ABLIM1: variants seen among roughly 807,000 people sequenced by gnomAD.
ABLIM1 encodes actin binding LIM protein 1.
Under a neutral mutation model 107.0 loss-of-function variants are expected in ABLIM1, and 40 were observed. The ratio of observed to expected loss-of-function variants is 0.37; its 90% confidence interval spans 0.29 to 0.49. ABLIM1 has a LOEUF of 0.49. Among genes scored for constraint, ABLIM1 ranks in the 20% least tolerant of loss-of-function variants. The pLI is 0.97. For missense variants in ABLIM1, 857 were observed against 1,008.5 expected (o/e 0.85, Z 2.04); for synonymous variants, 357 against 357.3 (o/e 1.00, Z 0.01).
chr10:114,734,641 G>A (rs2082143254), intron 1 of ABLIM1, among the ~76,000 whole-genome samples: 1 of 151,202 alleles, frequency 6.6e-6, no homozygotes, highest in Non-Finnish European at 1.5e-5. Context: ...CCAGACCACT[G>A]GGCACATAAT....
chr10:114,555,816 T>C (rs2068656212), intron 4 of ABLIM1, among the ~76,000 whole-genome samples: 1 of 151,948 alleles, frequency 6.6e-6, no homozygotes, highest in South Asian at 2.1e-4. Flanking sequence ...TTCAAGAAAA[T>C]TCAAGCTTTC....
chr10:114,451,862 G>A (rs1414550889), intron 13 of ABLIM1, among the ~76,000 whole-genome samples, 191 bp from the exon 14 acceptor site: 1 of 152,202 alleles, frequency 6.6e-6, no homozygotes, highest in African/African-American at 2.4e-5. Context: ...ATAGACAAGT[G>A]TTATGGAAGC....
chr10:114,624,688 C>A (rs61867917), intron 1 of ABLIM1, among the ~76,000 whole-genome samples: 1 of 151,966 alleles, frequency 6.6e-6, no homozygotes, highest in South Asian at 2.1e-4. Context: ...TTATTTATAT[C>A]GTAGAAATGA....
intron 2 of ABLIM1, among the ~76,000 whole-genome samples, chr10:114,597,622 G>T (rs536996529): frequency 2.2e-4 from 33 of 152,244 alleles, no homozygotes; most frequent in Admixed American, 1.8e-3. Context: ...TAAATGAAAA[G>T]AAAAGAAAAG....
chr10:114,677,539 G>A (rs533223690), intron 1 of ABLIM1, among the ~76,000 whole-genome samples: 15 of 152,286 alleles, frequency 9.8e-5, no homozygotes, highest in East Asian at 3.9e-4. Context: ...TTGGGAGGCC[G>A]AGGTGGGAGG....
At chr10:114,560,491 T>C (rs538589976) in intron 4 of ABLIM1, among the ~76,000 whole-genome samples, 22 of 152,328 alleles carry the variant, frequency 1.4e-4, no homozygotes, top group African/African-American at 4.8e-4. Context: ...TATAGATATG[T>C]TTAGACACAC....
intron 1 of ABLIM1, among the ~76,000 whole-genome samples, chr10:114,736,590 C>T (rs2082185079): frequency 6.6e-6 from 1 of 152,146 alleles, no homozygotes; most frequent in African/African-American, 2.4e-5. Context: ...CCAGGGACAA[C>T]ATTGAGATCA....
rs145790769 is a variant in ABLIM1, at chr10:114,666,915, T to A, written c.64+17375A>T. On this transcript the variant is annotated intron_variant, in intron 1 of 23. Transcript: ENST00000369256. ...CTCAGATCCAAGCAATTATTGCTGTTTTAGAATCCAAGCCAGCCAGGTATT... is the reference window on the plus strand; with the variant it reads ...CTCAGATCCAAGCAATTATTGCTGTATTAGAATCCAAGCCAGCCAGGTATT... Among the ~76,000 whole-genome samples, 24 of 152,318 alleles carry A rather than the reference T, an allele frequency of 1.6e-4. No individual in the cohort carries two copies. In the East Asian group the frequency reaches 4.6e-3, roughly 29 times the overall value.
intron 3 of ABLIM1, among the ~76,000 whole-genome samples, chr10:114,573,854 G>A (rs1370788458): frequency 6.6e-6 from 1 of 152,180 alleles, no homozygotes; most frequent in East Asian, 1.9e-4. Flanking sequence ...GGGGCTCCAT[G>A]CCAGCCCAGG....
intron 2 of ABLIM1, among the ~76,000 whole-genome samples, chr10:114,581,124 T>C (rs1034465714): frequency 2.0e-5 from 3 of 152,072 alleles, no homozygotes; most frequent in Non-Finnish European, 4.4e-5. Context: ...AAGAAGAACA[T>C]GTACATCCAA....
At chr10:114,523,339 G>C (rs1444157497) in intron 6 of ABLIM1, among the ~76,000 whole-genome samples, 1 of 152,054 alleles carries the variant, frequency 6.6e-6, no homozygotes, top group African/African-American at 2.4e-5. Context: ...ACCTGGTTCA[G>C]AGAACCAGGT....
chr10:114,513,900 C>G (rs1370630505), intron 6 of ABLIM1, among the ~76,000 whole-genome samples: 1 of 152,084 alleles, frequency 6.6e-6, no homozygotes, highest in Non-Finnish European at 1.5e-5. Context: ...TGCAAATTTC[C>G]AAGATACATA....
the ABLIM1 span, among the ~76,000 whole-genome samples, chr10:114,782,369 A>G: frequency 6.6e-6 from 1 of 152,148 alleles, no homozygotes; most frequent in Admixed American, 6.5e-5. Context: ...ATTTAAATTG[A>G]TTGGGTAATT....
chr10:114,779,496 A>C, the ABLIM1 span: 3 of 152,172 alleles, frequency 2.0e-5, no homozygotes, highest in Non-Finnish European at 4.4e-5. Context: ...CAAAGCAAAA[A>C]CTCACTACTA....
chr10:114,754,770 A>T (rs2082593010), intron 1 of ABLIM1, among the ~76,000 whole-genome samples: 1 of 152,208 alleles, frequency 6.6e-6, no homozygotes, highest in Admixed American at 6.5e-5. Flanking sequence ...CAGCTTTGCT[A>T]TGAAAAGAGA....
chr10:114,720,462 A>G (rs2081815104), intron 1 of ABLIM1, among the ~76,000 whole-genome samples: 1 of 152,142 alleles, frequency 6.6e-6, no homozygotes, highest in Non-Finnish European at 1.5e-5. Context: ...GTCTTCCACA[A>G]TGGTTGAACT....
Position 114,473,940 on chromosome 10 carries a change from G to C in ABLIM1, c.1058C>G (p.Ser353Trp). The C allele has an allele frequency of 6.2e-7, 1 of 1,613,676 alleles. No individual in the cohort carries two copies. Among genetic ancestry groups the C allele is most frequent in the Non-Finnish European group, 8.5e-7 (1 of 1,179,726 alleles). The change falls in exon 9 of 23, where the codon TCG (serine) becomes TGG (tryptophan). Residue 353 changes from serine (S) to tryptophan (W), a missense_variant. Coordinates refer to ENST00000533213, the MANE Select transcript of ABLIM1 (RefSeq NM_002313.7). The part of the protein sequence containing the change: ...EEKLRPTRTS[S>W]ESIYSRPGSS... Reference sequence around the variant, plus strand: ...GCCTGGCCTAGAATAAATACTTTCCGAGGATGTCCTGGTAGGCTGTAAAAT... The same window carrying C: ...GCCTGGCCTAGAATAAATACTTTCCCAGGATGTCCTGGTAGGCTGTAAAAT...
chr10:114,699,048 A>G (rs2081253914), intron 1 of ABLIM1, among the ~76,000 whole-genome samples: 1 of 146,314 alleles, frequency 6.8e-6, no homozygotes. Flanking sequence ...TCAACAAGTT[A>G]TGATTCAGAG....
At chr10:114,508,963 A>G (rs140140976) in intron 6 of ABLIM1, among the ~76,000 whole-genome samples, 10 of 152,318 alleles carry the variant, frequency 6.6e-5, no homozygotes, top group African/African-American at 2.4e-4. Flanking sequence ...TCCTCACTGG[A>G]TACTCACAAC....
Sources: allele counts gnomAD v4.1 joint callset (sites outside exome capture counted in the v4.1 genomes callset), GRCh38; gene constraint gnomAD v4.1.1; transcripts MANE v1.5; gene names NCBI Gene and HGNC (gene_info 2026-07-23, HGNC 2026-07-21).